Variants in ALPP observed in about 807,000 individuals in gnomAD.
The protein encoded by ALPP is alkaline phosphatase, placental.
In ALPP, 39 loss-of-function variants were observed where a neutral mutation model predicts 50.7. The ratio of observed to expected loss-of-function variants is 0.77; its 90% CI spans 0.60 to 1.00. The LOEUF (loss-of-function observed/expected upper bound fraction) is 1.00, where lower values mean the gene tolerates loss of function less well. Among genes scored for constraint, ALPP ranks in the 50% least tolerant of loss-of-function variants. The pLI is 0.00. For missense variants in ALPP, 550 were observed against 746.8 expected (o/e 0.74, Z 3.07); for synonymous variants, 226 against 320.3 (o/e 0.71, Z 3.14).
At position 232,382,008 on chromosome 2, in the gene ALPP, C is replaced by T. The variant is rs1049022; in HGVS notation, c.*213C>T. Reference sequence around the variant, plus strand: ...CTGCTCTCGGACTCCCTACCCCAACCCCAGGGACTGCAGGTTGTGCCCTGT... The same window carrying T: ...CTGCTCTCGGACTCCCTACCCCAACTCCAGGGACTGCAGGTTGTGCCCTGT... On this transcript the variant is annotated 3_prime_UTR_variant, in exon 11 of 11. Transcript: ENST00000392027. The T allele has an allele frequency of 2.8e-5, 23 of 811,606 alleles. No homozygotes were observed. The highest frequency in any genetic ancestry group is 8.9e-5 in the Admixed American group (3 of 33,860). The allele number at this position is 811,606 out of a possible 1,614,324, so 50.3% of individuals were successfully genotyped here.
chr2:232,380,163 C>G (rs569414542), intron 5 of ALPP, 23 bp from the exon 6 acceptor site: 1 of 1,613,928 alleles, frequency 6.2e-7, no homozygotes, highest in East Asian at 2.2e-5. Context: ...CCCAAATCCA[C>G]CTGCCCCATC....
rs374377208 is a variant in ALPP at position 232,379,026 on chromosome 2, C to T, written c.132C>T (p.Ala44=). Residue 44 remains alanine, a synonymous_variant, in exon 2 of 11, where the codon GCC becomes GCT. Coordinates refer to ENST00000392027, the MANE Select transcript of ALPP (RefSeq NM_001632.5). ...GCGAGGCAGCCGAGGCCCTGGGTGC[C>T]GCCAAGAAGCTGCAGCCTGCACAGA... ...WNREAAEALG[A]AKKLQPAQTA... is the part of the protein sequence containing the mutation. 503 of 1,613,990 alleles carry T rather than the reference C, an allele frequency of 3.1e-4. 1 individual carries two copies. Among genetic ancestry groups the T allele is most frequent in the East Asian group, 6.0e-4 (27 of 44,884 alleles).
rs752955692 is a variant in ALPP, at chr2:232,381,303, C to T, written c.1245C>T (p.Tyr415=). The change falls in exon 10 of 11, where the codon TAC becomes TAT. Residue 415 remains tyrosine (Y), a synonymous_variant. Coordinates refer to ENST00000392027, the MANE Select transcript of ALPP (RefSeq NM_001632.5). ...RDRKAYTVLL[Y]GNGPGYVLKD... ...GGAAGGCCTACACGGTCCTCCTATA[C>T]GGAAACGGTCCAGGCTATGTGCTCA... 9.9e-6 allele frequency: 16 copies of T among 1,613,972 alleles called. No individual in the cohort carries two copies. Among genetic ancestry groups the T allele is most frequent in the African/African-American group, 1.3e-5 (1 of 74,912 alleles).
rs78051268 is a variant in ALPP, at chr2:232,379,820, A to G, written c.541A>G (p.Thr181Ala). 540 of 1,613,746 alleles carry G rather than the reference A, an allele frequency of 3.3e-4. 4 individuals carry two copies. The East Asian group carries it at 9.7e-3, about 29-fold the overall frequency. ...AGTGCAGCACGCCTCGCCAGCCGGC[A>G]CCTACGCCCACACGGTGAACCGCAA... ...TRVQHASPAGTYAHTVNRNWY... is the reference protein window; with the variant it reads ...TRVQHASPAGAYAHTVNRNWY... Residue 181 changes from threonine to alanine, a missense_variant, in exon 5 of 11, where the codon ACC (threonine) becomes GCC (alanine). By Grantham distance (58) the Thr-to-Ala change is moderately conservative. This residue lies in a region of ALPP where 376 missense variants were observed against 388.5 expected (regional missense o/e 0.97). Transcript: ENST00000392027.
At position 232,382,067 on chromosome 2, in the gene ALPP, G is replaced by A; in HGVS notation, c.*272G>A. 1 of 603,888 alleles carries A rather than the reference G, an allele frequency of 1.7e-6. No homozygotes were observed. Among genetic ancestry groups the A allele is most frequent in the Non-Finnish European group, 2.9e-6 (1 of 350,326 alleles). The allele number at this position is 603,888 out of a possible 1,614,324, so 37.4% of individuals were successfully genotyped here. A position where few individuals can be genotyped will look rare whatever the true frequency, so the allele number is the denominator to read the frequency against. ...GCACCCCAGGAAAGGAGGGGGCTCA[G>A]GCCATCCAGCCACCACCTACAGCCC... On this transcript the variant is annotated 3_prime_UTR_variant, in exon 11 of 11. Transcript: ENST00000392027.
Position 232,379,263 on chromosome 2 carries a change from G to T in ALPP, c.257G>T (p.Gly86Val). 1.2e-6 allele frequency: 2 copies of T among 1,614,022 alleles called. No homozygotes were observed. The highest frequency in any genetic ancestry group is 1.7e-6 in the Non-Finnish European group (2 of 1,180,020). The change falls in exon 3 of 11, where the codon GGG becomes GTG. Residue 86 changes from glycine (G) to valine (V), a missense_variant. Physicochemically the swap from Gly to Val is moderately radical, Grantham distance 109. Around this residue, in one of 5 missense-constraint regions of ALPP, gnomAD observed 376 missense variants for 388.5 expected, o/e 0.97. Transcript: ENST00000392027. ...ILKGQKKDKL[G>V]PEIPLAMDRF... ...AAAGGGCAGAAGAAGGACAAACTGG[G>T]GCCTGAGATACCCCTGGCCATGGAC...
chr2:232,380,146 C>T (rs747794460), intron 5 of ALPP, 40 bp from the exon 6 acceptor site: 1 of 1,612,670 alleles, frequency 6.2e-7, no homozygotes, highest in Admixed American at 1.7e-5. Flanking sequence ...ACGGGGCCAG[C>T]CAGGGCCCCA....
At chr2:232,381,439 C>G in intron 10 of ALPP, 58 bp from the exon 11 acceptor site, 1 of 1,612,312 alleles carries the variant, frequency 6.2e-7, no homozygotes, top group Non-Finnish European at 8.5e-7. Context: ...GAAGGGGTCA[C>G]CTCCTGTCTG....
In ALPP at chr2:232,381,506, A is replaced by C; in HGVS notation, c.1319A>C (p.Glu440Ala). The change falls in exon 11 of 11, where the codon GAG (glutamate) becomes GCG (alanine). Residue 440 changes from glutamate to alanine, a missense_variant. Glu to Ala is a moderately radical substitution (Grantham distance 107). Coordinates refer to ENST00000392027, the MANE Select transcript of ALPP (RefSeq NM_001632.5). ...DVTESESGSP[E>A]YRQQSAVPLD... ...TGAACCCTCCAACCAGGGAGCCCCGAGTATCGGCAGCAGTCAGCAGTGCCC... is the reference window on the plus strand; with the variant it reads ...TGAACCCTCCAACCAGGGAGCCCCGCGTATCGGCAGCAGTCAGCAGTGCCC... The C allele has an allele frequency of 6.2e-7, 1 of 1,613,128 alleles. No homozygotes were observed. The highest frequency in any genetic ancestry group is 8.5e-7 in the Non-Finnish European group (1 of 1,179,808).
Position 232,379,083 on chromosome 2 carries a change from C to T in ALPP, c.189C>T (p.Gly63=), listed in dbSNP as rs1130337. 32,360 of 1,593,086 alleles carry T rather than the reference C, an allele frequency of 0.02. 711 individuals are homozygous for T. The highest frequency in any genetic ancestry group is 0.036 in the South Asian group (3,230 of 89,796). The change falls in exon 2 of 11, where the codon GGC becomes GGT. Residue 63 remains glycine, a synonymous_variant. Transcript: ENST00000392027. ...TAAKNLIIFL[G]DGMGVSTVTA... ...CCAAGAACCTCATCATCTTCCTGGG[C>T]GATGGTGAGTGAGCCAGGCCTTCCA...
rs751295066 is a variant in ALPP, at chr2:232,381,360, C to T, written c.1302C>T (p.Ser434=). The part of the protein sequence containing the change: ...KDGARPDVTE[S]ESGSPEYRQQ... Reference sequence around the variant, plus strand: ...GCGCCCGGCCGGATGTTACCGAGAGCGAGAGCGGTGAGTGCCGCGGGGTGG... The same window carrying T: ...GCGCCCGGCCGGATGTTACCGAGAGTGAGAGCGGTGAGTGCCGCGGGGTGG... Residue 434 remains serine (S), a synonymous_variant, in exon 10 of 11, where the codon AGC becomes AGT. Transcript: ENST00000392027. 3 of 1,614,180 alleles carry T rather than the reference C, an allele frequency of 1.9e-6. No homozygotes were observed. The highest frequency in any genetic ancestry group is 2.2e-5 in the East Asian group (1 of 44,872).
chr2:232,379,812 C>T lies in ALPP; in HGVS notation c.533C>T (p.Pro178Leu), dbSNP rs1428516218. Residue 178 changes from proline to leucine, a missense_variant, in exon 5 of 11, where the codon CCA becomes CTA. Physicochemically the swap from Pro to Leu is moderately conservative, Grantham distance 98. Around this residue, in one of 5 missense-constraint regions of ALPP, gnomAD observed 376 missense variants for 388.5 expected, o/e 0.97. Coordinates refer to ENST00000392027, the MANE Select transcript of ALPP (RefSeq NM_001632.5). ...VTTTRVQHAS[P>L]AGTYAHTVNR... ...ACCACACGAGTGCAGCACGCCTCGC[C>T]AGCCGGCACCTACGCCCACACGGTG... The T allele has an allele frequency of 1.9e-6, 3 of 1,613,866 alleles. No homozygotes were observed. The South Asian group carries it at 3.3e-5, about 18-fold the overall frequency.
intron 7 of ALPP, 25 bp downstream of exon 7, chr2:232,380,517 C>G: frequency 6.2e-7 from 1 of 1,614,030 alleles, no homozygotes. Context: ...CCTGCCCTGG[C>G]ATCCCTCAGA....
rs1696725643 is a variant in ALPP, at chr2:232,381,939, T to C, written c.*144T>C. 2 of 1,313,128 alleles carry C rather than the reference T, an allele frequency of 1.5e-6. No individual in the cohort carries two copies. Among genetic ancestry groups the C allele is most frequent in the African/African-American group, 1.5e-5 (1 of 67,576 alleles). 81.3% of individuals were successfully genotyped at this position (1,313,128 alleles called of 1,614,324 possible). On this transcript the variant is annotated 3_prime_UTR_variant, in exon 11 of 11. Coordinates refer to ENST00000392027, the MANE Select transcript of ALPP (RefSeq NM_001632.5). ...CTGCCATGGAACCTTCCCCTCCCCGTGCGCTCTGGGGACTGAGCCCATGAC... is the reference window on the plus strand; with the variant it reads ...CTGCCATGGAACCTTCCCCTCCCCGCGCGCTCTGGGGACTGAGCCCATGAC...
In ALPP at chr2:232,382,101, CCA is replaced by C; in HGVS notation, c.*307_*308del. 1.9e-6 allele frequency: 1 copy of C among 520,978 alleles called. No homozygotes were observed. Among genetic ancestry groups the C allele is most frequent in the Non-Finnish European group, 3.4e-6 (1 of 296,320 alleles). The allele number at this position is 520,978 out of a possible 1,614,324, so 32.3% of individuals were successfully genotyped here. On this transcript the variant is annotated 3_prime_UTR_variant, in exon 11 of 11. Transcript: ENST00000392027. Reference sequence around the variant, plus strand: ...GCCACCACCTACAGCCCAGTGGGTACCAGGCAGGCTCCCTTCCTGGGGAAAAG... The same window carrying C: ...GCCACCACCTACAGCCCAGTGGGTACGGCAGGCTCCCTTCCTGGGGAAAAG...
At chr2:232,380,153 C>T (rs199856553) in intron 5 of ALPP, 33 bp from the exon 6 acceptor site, 62 of 1,613,574 alleles carry the variant, frequency 3.8e-5, no homozygotes, top group Non-Finnish European at 5.2e-5. Context: ...CAGCCAGGGC[C>T]CCAAATCCAC....
In ALPP at chr2:232,379,421, G is replaced by C. The variant is rs565610771; in HGVS notation, c.310-92G>C. The C allele has an allele frequency of 1.0e-5, 16 of 1,590,882 alleles. No individual in the cohort carries two copies. The African/African-American group carries it at 2.1e-4, about 21-fold the overall frequency. The stretch of plus-strand genomic sequence containing the variant: ...TAAACAGCTGGGGCTCCAGTAAGGA[G>C]TTAGAGGCAGTTGGAATCCCAGAGG... On this transcript the variant is annotated intron_variant, in intron 3 of 10. Coordinates refer to ENST00000392027, the MANE Select transcript of ALPP (RefSeq NM_001632.5).
intron 2 of ALPP, 27 bp downstream of exon 2, chr2:232,379,114 G>A: frequency 1.2e-6 from 2 of 1,614,096 alleles, no homozygotes; most frequent in South Asian, 1.1e-5. Context: ...TTCCAGCCCT[G>A]CAGCCCTCAC....
Position 232,379,278 on chromosome 2 carries a change from T to A in ALPP, c.272T>A (p.Leu91Gln), listed in dbSNP as rs1696658248. The A allele has an allele frequency of 1.2e-6, 2 of 1,614,094 alleles. No individual in the cohort carries two copies. Among genetic ancestry groups the A allele is most frequent in the Non-Finnish European group, 1.7e-6 (2 of 1,180,006 alleles). The change falls in exon 3 of 11, where the codon CTG becomes CAG. Residue 91 changes from leucine to glutamine, a missense_variant. By Grantham distance (113) the Leu-to-Gln change is moderately radical (BLOSUM62 -2). Coordinates refer to ENST00000392027, the MANE Select transcript of ALPP (RefSeq NM_001632.5). ...GACAAACTGGGGCCTGAGATACCCC[T>A]GGCCATGGACCGCTTCCCATATGTG... The part of the protein sequence containing the change: ...KKDKLGPEIP[L>Q]AMDRFPYVAL...
Sources: allele counts gnomAD v4.1 joint callset, GRCh38; gene constraint gnomAD v4.1.1; regional missense constraint gnomAD v4.1.1; transcripts MANE v1.5; gene names NCBI Gene and HGNC (gene_info 2026-07-23, HGNC 2026-07-21).